Variants in RGS7 observed in about 807,000 individuals in gnomAD.
RGS7 encodes regulator of G-protein signaling 7.
In RGS7, 27 loss-of-function variants were observed where a neutral mutation model predicts 81.1. That is an observed-to-expected ratio of 0.33 (90% CI 0.25 to 0.46). The LOEUF (loss-of-function observed/expected upper bound fraction) is 0.46. RGS7 is among the 20% of genes least tolerant of loss of function. The pLI is 1.00. For synonymous variants in RGS7, 208 were observed against 207.7 expected (o/e 1.00, Z -0.01); for missense variants, 396 against 607.4 (o/e 0.65, Z 3.66).
chr1:240,977,681 G>A (rs553402516), intron 4 of RGS7, among the ~76,000 whole-genome samples: 2 of 152,336 alleles, frequency 1.3e-5, no homozygotes, highest in East Asian at 3.9e-4. Flanking sequence ...AAGTAGAGAA[G>A]ACTCTAGGAG....
intron 18 of RGS7, among the ~76,000 whole-genome samples, chr1:240,793,609 A>T (rs68066664): frequency 0.56 from 47,913 of 86,012 alleles, 13,630 homozygotes; most frequent in Non-Finnish European, 0.65. Flanking sequence ...ATATATATAT[A>T]TATTTTTTTT....
intron 18 of RGS7, among the ~76,000 whole-genome samples, chr1:240,790,933 T>C (rs996560945): frequency 7.2e-5 from 11 of 152,236 alleles, no homozygotes; most frequent in African/African-American, 2.2e-4. Context: ...GAATATATTC[T>C]TGTTAGATAT....
At chr1:241,226,079 C>G (rs2075293259) in intron 2 of RGS7, among the ~76,000 whole-genome samples, 1 of 152,076 alleles carries the variant, frequency 6.6e-6, no homozygotes, top group Non-Finnish European at 1.5e-5. Context: ...AGATCGTAAA[C>G]CAAGAGTGAT....
chr1:240,872,770 C>T (rs1171889885), intron 6 of RGS7, among the ~76,000 whole-genome samples: 3 of 152,292 alleles, frequency 2.0e-5, no homozygotes, highest in African/African-American at 7.2e-5. Context: ...AATGAATGCA[C>T]TCATGCATAG....
In RGS7 at chr1:241,058,966, A is replaced by G. The variant is rs988202613; in HGVS notation, c.175+39700T>C. The stretch of plus-strand genomic sequence containing the variant: ...TTTTCAGCCCCACTGATGCCACTGA[A>G]TCTCTGCTTGCCAAAGTCAACAACA... On this transcript the variant is annotated intron_variant, in intron 3 of 18. Coordinates refer to ENST00000440928, the MANE Select transcript of RGS7 (RefSeq NM_001364886.1). Among the ~76,000 whole-genome samples the G allele has an allele frequency of 3.9e-5, 6 of 152,272 alleles. 1 individual carries two copies. The South Asian group carries it at 1.2e-3, about 32-fold the overall frequency.
At chr1:240,854,966 C>T (rs1660800954) in intron 9 of RGS7, among the ~76,000 whole-genome samples, 1 of 152,140 alleles carries the variant, frequency 6.6e-6, no homozygotes, top group South Asian at 2.1e-4. Context: ...CTACCTTCAT[C>T]TCGGACGTTA....
chr1:240,958,490 T>C (rs1680807199), intron 4 of RGS7, among the ~76,000 whole-genome samples: 2 of 152,232 alleles, frequency 1.3e-5, no homozygotes. Flanking sequence ...AGCTGTTTCA[T>C]GTCATGGAAT....
At chr1:241,018,703 T>A (rs1044985343) in intron 3 of RGS7, among the ~76,000 whole-genome samples, 2 of 151,938 alleles carry the variant, frequency 1.3e-5, no homozygotes. Context: ...TAGTGAGACT[T>A]TTTCTTGGGG....
At position 241,139,087 on chromosome 1, in the gene RGS7, AT is replaced by A. The variant is rs544014709; in HGVS notation, c.79-40326del. ...GTGTCTGGTTTCTTTTACTTGGCAG[AT>A]TTTTTTTTTAGGTTCATCTATGTTG... On this transcript the variant is annotated intron_variant, in intron 2 of 18. Transcript: ENST00000440928. Among the ~76,000 whole-genome samples, 438 of 149,718 alleles carry A rather than the reference AT, an allele frequency of 2.9e-3. 3 individuals are homozygous for A. The highest frequency in any genetic ancestry group is 9.3e-3 in the African/African-American group (380 of 40,986).
At chr1:241,189,633 CTT>C (rs2072432749) in intron 2 of RGS7, among the ~76,000 whole-genome samples, 1 of 152,156 alleles carries the variant, frequency 6.6e-6, no homozygotes, top group Non-Finnish European at 1.5e-5. Flanking sequence ...TTTCTTTACA[CTT>C]TTTATAAAGT....
intron 3 of RGS7, among the ~76,000 whole-genome samples, chr1:241,071,960 T>C (rs1032089040): frequency 6.6e-6 from 1 of 151,910 alleles, no homozygotes; most frequent in Non-Finnish European, 1.5e-5. Flanking sequence ...TTATTTTGTC[T>C]TATTGAAAAA....
At chr1:241,089,964 A>C (rs1461501607) in intron 3 of RGS7, among the ~76,000 whole-genome samples, 1 of 145,294 alleles carries the variant, frequency 6.9e-6, no homozygotes, top group Non-Finnish European at 1.5e-5. Flanking sequence ...ACTGCACTCC[A>C]GCCTGGGCGG....
rs141955631 is a variant in RGS7, at chr1:241,149,079, T to G, written c.79-50317A>C. On this transcript the variant is annotated intron_variant, in intron 2 of 18. Coordinates refer to ENST00000440928, the MANE Select transcript of RGS7 (RefSeq NM_001364886.1). ...CAATTCAACAGAAAGCAGAAAATAT[T>G]TCTCAAGTGTTAGCTATATACACAG... 1.8e-3 allele frequency among the ~76,000 whole-genome samples: 271 copies of G among 152,338 alleles called. 1 individual carries two copies. The highest frequency in any genetic ancestry group is 6.3e-3 in the African/African-American group (263 of 41,582).
chr1:241,252,360 A>G (rs1357491358), intron 2 of RGS7, among the ~76,000 whole-genome samples: 1 of 152,136 alleles, frequency 6.6e-6, no homozygotes, highest in Non-Finnish European at 1.5e-5. Context: ...TTCTTTCTTG[A>G]TAACTGTAAA....
chr1:241,057,285 C>T (rs1186958671), intron 3 of RGS7, among the ~76,000 whole-genome samples: 3 of 152,128 alleles, frequency 2.0e-5, no homozygotes, highest in Non-Finnish European at 4.4e-5. Flanking sequence ...TCACCTTAAC[C>T]AGCTGAAATA....
chr1:241,168,828 A>G (rs1481950784), intron 2 of RGS7, among the ~76,000 whole-genome samples: 3 of 152,144 alleles, frequency 2.0e-5, no homozygotes, highest in African/African-American at 7.2e-5. Context: ...GGTAGAAGTC[A>G]GAGACTGCAG....
chr1:241,190,038 G>T (rs1044465945), intron 2 of RGS7, among the ~76,000 whole-genome samples: 20 of 152,066 alleles, frequency 1.3e-4, no homozygotes, highest in Non-Finnish European at 2.6e-4. Context: ...GGGAGGCGGA[G>T]CTTGCAGTGA....
At chr1:241,017,301 C>T (rs1017972419) in intron 3 of RGS7, among the ~76,000 whole-genome samples, 12 of 152,054 alleles carry the variant, frequency 7.9e-5, no homozygotes, top group Admixed American at 2.6e-4. Flanking sequence ...ATTAGCTGGG[C>T]GTGGTGGCGC....
At chr1:241,035,360 T>TA (rs34813230) in intron 3 of RGS7, among the ~76,000 whole-genome samples, 116,634 of 150,388 alleles carry the variant, frequency 0.78, 45,345 homozygotes, top group East Asian at 0.98. Context: ...CATAAGGAAG[T>TA]AAAAAAAAAA....
Sources: allele counts gnomAD v4.1 joint callset (sites outside exome capture counted in the v4.1 genomes callset), GRCh38; gene constraint gnomAD v4.1.1; transcripts MANE v1.5; gene names NCBI Gene and HGNC (gene_info 2026-07-23, HGNC 2026-07-21).